The following TTN variants were observed in gnomAD, a reference collection of about 807,000 sequenced individuals.
TTN encodes connectin.
A neutral mutation model predicts 3,223.0 loss-of-function variants in TTN; 1,525 were observed. The ratio of observed to expected loss-of-function variants is 0.47; its 90% CI spans 0.45 to 0.49. The LOEUF is 0.49. TTN is among the 20% of genes least tolerant of loss of function. The probability of loss-of-function intolerance (pLI) is 0.00; values close to 1 mark genes in which losing one functional copy is unlikely to be tolerated. For missense variants in TTN, 40,786 were observed against 43,424.0 expected, an observed-to-expected ratio of 0.94 and a Z score of 5.40; for synonymous variants, 14,094 against 15,161.0, an observed-to-expected ratio of 0.93 and a Z score of 5.17.
chr2:178,749,447 A>G, intron 47 of TTN: 3 of 1,612,882 alleles, frequency 1.9e-6, no homozygotes, highest in Non-Finnish European at 2.5e-6. Flanking sequence ...TTTCTGGTCT[A>G]TTTGCTCAAT....
intron 9 of TTN, among the ~76,000 whole-genome samples, chr2:178,792,722 G>A (rs1443844064): frequency 6.6e-6 from 1 of 152,152 alleles, no homozygotes; most frequent in Non-Finnish European, 1.5e-5. Context: ...GTATGTAGGG[G>A]GACAGTTTTC....
Position 178,764,721 on chromosome 2 carries a change from C to T in TTN, c.9794G>A (p.Arg3265Lys). The change falls in exon 42 of 363, where the codon AGA becomes AAA. Residue 3265 changes from arginine (R) to lysine (K), a missense_variant. Coordinates refer to ENST00000589042, the MANE Select transcript of TTN (RefSeq NM_001267550.2). The stretch of plus-strand genomic sequence containing the variant: ...GTACCAGGAAATTTTGGGCTGTGGT[C>T]TTCCGGATATCACGGCACAGAAGCG... ...PARFCAVISGRPQPKISWYKE... is the reference protein window; with the variant it reads ...PARFCAVISGKPQPKISWYKE... 6.2e-7 allele frequency: 1 copy of T among 1,614,082 alleles called. No individual in the cohort carries two copies. The highest frequency in any genetic ancestry group is 8.5e-7 in the Non-Finnish European group (1 of 1,179,996).
Position 178,764,688 on chromosome 2 carries a change from T to C in TTN, c.9827A>G (p.Glu3276Gly), listed in dbSNP as rs377049518. ...CTTGAAGCCAGTGGAAAGCAGCTGC[T>C]CTTCCTTGTACCAGGAAATTTTGGG... ...PQPKISWYKE[E>G]QLLSTGFKCK... Residue 3276 changes from glutamate to glycine, a missense_variant, in exon 42 of 363, where the codon GAG (glutamate) becomes GGG (glycine). Coordinates refer to ENST00000589042, the MANE Select transcript of TTN (RefSeq NM_001267550.2). 8.9e-5 allele frequency: 143 copies of C among 1,614,028 alleles called. No individual in the cohort carries two copies. Among genetic ancestry groups the C allele is most frequent in the Non-Finnish European group, 1.2e-4 (138 of 1,180,008 alleles).
At chr2:178,642,005 TAAC>T (rs745855727) in intron 219 of TTN, among the ~76,000 whole-genome samples, 2 of 151,818 alleles carry the variant, frequency 1.3e-5, no homozygotes, top group Non-Finnish European at 2.9e-5. Context: ...TTATGTCTAT[TAAC>T]ATTTTAAATT....
chr2:178,648,897 A>G (rs542822476), intron 213 of TTN, among the ~76,000 whole-genome samples: 1 of 152,076 alleles, frequency 6.6e-6, no homozygotes, highest in African/African-American at 2.4e-5. Context: ...CTATCCTCTC[A>G]CCAGATTTAA....
intron 292 of TTN, 139 bp from the exon 293 acceptor site, chr2:178,598,197 C>T: frequency 1.0e-6 from 1 of 991,850 alleles, no homozygotes; most frequent in Non-Finnish European, 1.5e-6. Context: ...TTTTAGGGAT[C>T]AGATATTACA....
intron 20 of TTN, among the ~76,000 whole-genome samples, chr2:178,781,858 T>C (rs1433750160): frequency 6.6e-6 from 1 of 152,074 alleles, no homozygotes; most frequent in African/African-American, 2.4e-5. Context: ...TTTAGTCACT[T>C]AGTTATTACA....
Position 178,630,840 on chromosome 2 carries a change from GT to G in TTN, c.44117del (p.Asn14706ThrfsTer58), listed in dbSNP as rs1341441669. ...GTAGGGCCTCTCCCTTGAGTTTCCA[GT>G]TGGCGTGGATATCATCTTCAGAGAT... ...TEISEDDIHA[N>X]WKLKGEALLQ... On this transcript the variant is annotated frameshift_variant, in exon 238 of 363. Coordinates refer to ENST00000589042, the MANE Select transcript of TTN (RefSeq NM_001267550.2). LOFTEE classifies it high-confidence loss of function. 1.9e-6 allele frequency: 3 copies of G among 1,613,320 alleles called. No individual in the cohort carries two copies. Among genetic ancestry groups the G allele is most frequent in the Non-Finnish European group, 2.5e-6 (3 of 1,179,480 alleles).
rs2091914049 is a variant in TTN at position 178,774,113 on chromosome 2, G to A, written c.7058-3C>T. 8 of 1,613,970 alleles carry A rather than the reference G, an allele frequency of 5.0e-6. No individual in the cohort carries two copies. The highest frequency in any genetic ancestry group is 6.8e-6 in the Non-Finnish European group (8 of 1,179,994). The stretch of plus-strand genomic sequence containing the variant: ...TTGTAGGATAGCAATGGGGCGGGCT[G>A]TGAAATATGGGGAGAAAAAGAATGT... On this transcript the variant is annotated splice_region_variant and splice_polypyrimidine_tract_variant and intron_variant, in intron 30 of 362. Coordinates refer to ENST00000589042, the MANE Select transcript of TTN (RefSeq NM_001267550.2).
At position 178,530,015 on chromosome 2, in the gene TTN, A is replaced by G. The variant is rs6725673; in HGVS notation, c.106476T>C (p.Cys35492=). The G allele has an allele frequency of 2.7e-3, 4,370 of 1,608,564 alleles. 130 individuals carry two copies. In the African/African-American group the frequency reaches 0.053, roughly 19 times the overall value. Residue 35492 remains cysteine (C), a synonymous_variant, in exon 359 of 363, where the codon TGT becomes TGC. Transcript: ENST00000589042. The stretch of plus-strand genomic sequence containing the variant: ...CAGATCCAGCTGAATTTTTTACTGT[A>G]CAAGTATAAAGTCCACTGTCAGAAG... The part of the protein sequence containing the change: ...TDTSDSGLYT[C]TVKNSAGSVS...
chr2:178,768,976 A>G lies in TTN; in HGVS notation c.8903-43T>C, dbSNP rs751841234. ...AAAAACACCCAAGGAGACTTTACGT[A>G]AATATGATGTGGGTTATAACAGGTG... On this transcript the variant is annotated intron_variant, in intron 37 of 362. Coordinates refer to ENST00000589042, the MANE Select transcript of TTN (RefSeq NM_001267550.2). 140 of 1,607,706 alleles carry G rather than the reference A, an allele frequency of 8.7e-5. 1 individual carries two copies. The highest frequency in any genetic ancestry group is 1.7e-4 in the Middle Eastern group (1 of 6,028).
At chr2:178,749,292 A>C (rs1173402162) in intron 47 of TTN, 1 of 1,611,616 alleles carries the variant, frequency 6.2e-7, no homozygotes. Flanking sequence ...TGCAGCTTTG[A>C]TTTTTCACTT....
chr2:178,668,001 A>C (rs2066280513), intron 159 of TTN, among the ~76,000 whole-genome samples: 1 of 152,126 alleles, frequency 6.6e-6, no homozygotes, highest in Non-Finnish European at 1.5e-5. Context: ...GTTATTGGTA[A>C]AATTGTCCTA....
intron 294 of TTN, 83 bp from the exon 295 acceptor site, chr2:178,595,892 A>G: frequency 2.2e-6 from 3 of 1,385,542 alleles, no homozygotes; most frequent in Non-Finnish European, 2.9e-6. Context: ...AAAGGAGACA[A>G]AAATGTTGTT....
Position 178,712,166 on chromosome 2 carries a change from C to A in TTN, c.27664G>T (p.Ala9222Ser). Residue 9222 changes from alanine (A) to serine (S), a missense_variant, in exon 96 of 363, where the codon GCC becomes TCC. Transcript: ENST00000589042. ...CCAGCAAGCTGGCATTGTAGAGAGG[C>A]AGAATCTCCAACAGACACCTTAACC... is the stretch of plus-strand genomic sequence containing the variant. Reference protein sequence around the residue: ...EPVKVSVGDSASLQCQLAGTP... With the variant: ...EPVKVSVGDSSSLQCQLAGTP... 1 of 1,613,808 alleles carries A rather than the reference C, an allele frequency of 6.2e-7. No homozygotes were observed. The highest frequency in any genetic ancestry group is 8.5e-7 in the Non-Finnish European group (1 of 1,179,784).
rs1466808448 is a variant in TTN at position 178,572,316 on chromosome 2, C to G, written c.73816G>C (p.Glu24606Gln). ...ENEYGIGLPA[E>Q]TAESVKASER... ...GATGCTTTCACAGATTCTGCGGTTT[C>G]AGCAGGCAGCCCAATGCCATATTCA... The change falls in exon 326 of 363, where the codon GAA becomes CAA. Residue 24606 changes from glutamate (E) to glutamine (Q), a missense_variant. By Grantham distance (29) the Glu-to-Gln change is conservative. Transcript: ENST00000589042. 1 of 1,611,340 alleles carries G rather than the reference C, an allele frequency of 6.2e-7. No individual in the cohort carries two copies. Among genetic ancestry groups the G allele is most frequent in the East Asian group, 2.2e-5 (1 of 44,696 alleles).
In TTN at chr2:178,725,460, G is replaced by T; in HGVS notation, c.20744C>A (p.Ala6915Glu). Reference protein sequence around the residue: ...FVENVATLQFAKAEPANAGKY... With the variant: ...FVENVATLQFEKAEPANAGKY... ...TCCAGCATTAGCTGGCTCTGCTTTT[G>T]CAAACTGTAGAGTTGCAACATTTTC... The change falls in exon 71 of 363, where the codon GCA becomes GAA. Residue 6915 changes from alanine to glutamate, a missense_variant. Coordinates refer to ENST00000589042, the MANE Select transcript of TTN (RefSeq NM_001267550.2). 6.2e-7 allele frequency: 1 copy of T among 1,612,868 alleles called. No homozygotes were observed. The highest frequency in any genetic ancestry group is 8.5e-7 in the Non-Finnish European group (1 of 1,179,390).
chr2:178,644,249 CTT>C, intron 218 of TTN: 1 of 251,322 alleles, frequency 4.0e-6, no homozygotes, highest in African/African-American at 2.2e-5. Context: ...TCATATGTCT[CTT>C]GATATCAATT....
intron 273 of TTN, 46 bp from the exon 274 acceptor site, chr2:178,608,954 G>C (rs780011872): frequency 2.5e-6 from 4 of 1,578,326 alleles, no homozygotes; most frequent in Admixed American, 3.7e-5. Flanking sequence ...GTGTGGGAAG[G>C]GTTGCTATGG....
Sources: gnomAD v4.1 joint callset for allele counts (sites outside exome capture counted in the v4.1 genomes callset) on GRCh38, gnomAD v4.1.1 for gene constraint, MANE v1.5 for transcripts, NCBI Gene and HGNC (gene_info 2026-07-23, HGNC 2026-07-21) for gene names.